VPS50: variants seen among roughly 807,000 people sequenced by gnomAD.
The protein encoded by VPS50 is VPS50 subunit of EARP/GARPII complex.
Under a neutral mutation model 139.7 loss-of-function variants are expected in VPS50, and 70 were observed. That is an observed-to-expected ratio of 0.50 (90% CI 0.41 to 0.61). The LOEUF (loss-of-function observed/expected upper bound fraction) is 0.61, where lower values mean the gene tolerates loss of function less well. Among genes scored for constraint, VPS50 ranks in the 20% least tolerant of loss-of-function variants. The pLI, the probability that VPS50 is intolerant of heterozygous loss-of-function variation, is 0.00. For missense variants in VPS50, 921 were observed against 1,133.7 expected, an observed-to-expected ratio of 0.81 and a Z score of 2.69; for synonymous variants, 365 against 376.7, an observed-to-expected ratio of 0.97 and a Z score of 0.36.
intron 23 of VPS50, among the ~76,000 whole-genome samples, chr7:93,342,252 A>G (rs1798236056): frequency 6.6e-6 from 1 of 152,222 alleles, no homozygotes; most frequent in Non-Finnish European, 1.5e-5. Context: ...TCCCACCCGA[A>G]TACTGTGCTT....
chr7:93,349,324 C>T (rs1215256018), intron 24 of VPS50, among the ~76,000 whole-genome samples: 1 of 152,120 alleles, frequency 6.6e-6, no homozygotes, highest in Non-Finnish European at 1.5e-5. Context: ...AGAAAGATGG[C>T]TGGGGCAATC....
At chr7:93,353,914 A>G (rs1285978706) in intron 26 of VPS50, among the ~76,000 whole-genome samples, 153 bp downstream of exon 26, 3 of 152,230 alleles carry the variant, frequency 2.0e-5, no homozygotes, top group Non-Finnish European at 2.9e-5. Context: ...CTTAGACCCC[A>G]CTGTGTCTGT....
chr7:93,272,575 C>G (rs1158553423), intron 10 of VPS50, 60 bp from the exon 11 acceptor site: 4 of 668,266 alleles, frequency 6.0e-6, no homozygotes, highest in Admixed American at 3.0e-5. Flanking sequence ...ATGTTTTCTT[C>G]TCATTGCCTT....
chr7:93,348,595 G>A, intron 23 of VPS50, 116 bp from the exon 24 acceptor site: 1 of 691,744 alleles, frequency 1.4e-6, no homozygotes, highest in Non-Finnish European at 2.5e-6. Context: ...AAAGTGGAAA[G>A]TAATTTTTAT....
intron 16 of VPS50, among the ~76,000 whole-genome samples, chr7:93,299,633 G>A (rs547532415): frequency 6.6e-6 from 1 of 152,100 alleles, no homozygotes; most frequent in South Asian, 2.1e-4. Context: ...GTTTTGTTTT[G>A]GTGGAACATC....
At chr7:93,276,886 G>T (rs1206418167) in intron 12 of VPS50, among the ~76,000 whole-genome samples, 1 of 152,120 alleles carries the variant, frequency 6.6e-6, no homozygotes, top group Non-Finnish European at 1.5e-5. Context: ...TTATAGGGAA[G>T]ACTGGGAAGG....
intron 13 of VPS50, 45 bp from the exon 14 acceptor site, chr7:93,294,500 C>A: frequency 6.9e-7 from 1 of 1,447,000 alleles, no homozygotes; most frequent in South Asian, 1.4e-5. Context: ...AAAACAAACA[C>A]AAATTGGATT....
chr7:93,321,408 T>G (rs780707200), intron 20 of VPS50, among the ~76,000 whole-genome samples: 2 of 152,188 alleles, frequency 1.3e-5, no homozygotes, highest in Non-Finnish European at 2.9e-5. Context: ...GCTGTCTGCC[T>G]GTTCTGTCCT....
chr7:93,272,588 AAAC>A, intron 10 of VPS50, 44 bp from the exon 11 acceptor site: 4 of 794,186 alleles, frequency 5.0e-6, no homozygotes, highest in Non-Finnish European at 8.1e-6. Flanking sequence ...ATTGCCTTGA[AAAC>A]ATAATTCCTT....
intron 12 of VPS50, among the ~76,000 whole-genome samples, chr7:93,288,086 G>C (rs902605281): frequency 2.6e-5 from 4 of 152,048 alleles, no homozygotes; most frequent in African/African-American, 9.7e-5. Flanking sequence ...AAGAGGGCTT[G>C]TGCAGAGGAA....
intron 12 of VPS50, 36 bp downstream of exon 12, chr7:93,276,341 C>T (rs1038296670): frequency 2.6e-6 from 4 of 1,555,752 alleles, no homozygotes; most frequent in African/African-American, 2.7e-5. Context: ...ATATATCTCT[C>T]CTTTAGATTT....
chr7:93,307,583 C>T (rs1180205785), intron 18 of VPS50, among the ~76,000 whole-genome samples: 2 of 151,874 alleles, frequency 1.3e-5, no homozygotes, highest in Admixed American at 6.6e-5. Context: ...GAAGTATTGA[C>T]TTTAGGGTTA....
chr7:93,284,880 T>C (rs1266178058), intron 12 of VPS50, among the ~76,000 whole-genome samples: 1 of 152,200 alleles, frequency 6.6e-6, no homozygotes, highest in Non-Finnish European at 1.5e-5. Context: ...TGGTTTCCAA[T>C]GGCTGGAAAC....
At chr7:93,269,206 G>A (rs960603366) in intron 9 of VPS50, among the ~76,000 whole-genome samples, 1 of 151,978 alleles carries the variant, frequency 6.6e-6, no homozygotes, top group Non-Finnish European at 1.5e-5. Flanking sequence ...GAATTATTTT[G>A]GGGACAATAG....
intron 21 of VPS50, among the ~76,000 whole-genome samples, chr7:93,325,156 T>C (rs1797732889): frequency 6.6e-6 from 1 of 152,180 alleles, no homozygotes; most frequent in Admixed American, 6.5e-5. Flanking sequence ...TCTACAACTA[T>C]CTGATCTTTG....
At chr7:93,296,966 G>C in intron 15 of VPS50, 130 bp downstream of exon 15, 1 of 1,432,458 alleles carries the variant, frequency 7.0e-7, no homozygotes. Flanking sequence ...GTTTGTGAGT[G>C]TATTTAAATA....
chr7:93,267,300 C>G (rs1161084151), intron 9 of VPS50, among the ~76,000 whole-genome samples: 1 of 152,172 alleles, frequency 6.6e-6, no homozygotes, highest in Non-Finnish European at 1.5e-5. Context: ...GATAGAGGAA[C>G]TGTCTTTAAC....
At chr7:93,258,512 A>C (rs184715558) in intron 8 of VPS50, 120 bp downstream of exon 8, 2 of 756,066 alleles carry the variant, frequency 2.6e-6, no homozygotes, top group African/African-American at 3.6e-5. Flanking sequence ...ATTTTTAGAC[A>C]TGTAAGATTT....
At chr7:93,345,121 A>T (rs1270064471) in intron 23 of VPS50, among the ~76,000 whole-genome samples, 1 of 152,202 alleles carries the variant, frequency 6.6e-6, no homozygotes, top group Admixed American at 6.5e-5. Context: ...AATCAAATAG[A>T]TGCAATAATA....
Sources: gnomAD v4.1 joint callset for allele counts (sites outside exome capture counted in the v4.1 genomes callset) on GRCh38, gnomAD v4.1.1 for gene constraint, MANE v1.5 for transcripts, NCBI Gene and HGNC (gene_info 2026-07-23, HGNC 2026-07-21) for gene names.